Variants in RAB6B observed in about 807,000 individuals in gnomAD.
RAB6B encodes the protein ras-related protein Rab-6B.
In RAB6B, 7 loss-of-function variants were observed where a neutral mutation model predicts 31.2. The ratio of observed to expected loss-of-function variants is 0.22; its 90% CI spans 0.13 to 0.42. The LOEUF (loss-of-function observed/expected upper bound fraction) is 0.42. Among genes scored for constraint, RAB6B ranks in the 10% least tolerant of loss-of-function variants. The probability of loss-of-function intolerance (pLI) is 1.00; values close to 1 mark genes in which losing one functional copy is unlikely to be tolerated. For synonymous variants in RAB6B, 105 were observed against 104.9 expected (o/e 1.00, Z -0.01); for missense variants, 149 against 280.6 (o/e 0.53, Z 3.35).
Position 133,841,655 on chromosome 3 carries a change from A to G in RAB6B, c.138T>C (p.Ile46=). The G allele has an allele frequency of 6.2e-7, 1 of 1,613,950 alleles. No homozygotes were observed. Among genetic ancestry groups the G allele is most frequent in the Non-Finnish European group, 8.5e-7 (1 of 1,179,962 alleles). Residue 46 remains isoleucine (I), a synonymous_variant, in exon 3 of 8, where the codon ATT becomes ATC. Transcript: ENST00000285208. ...TGGTTTTTGACAAGAAGTCAATCCC[A>G]ATGGTTGCCTGTTAGAGAAAAGCAC... ...DSFDNTYQAT[I]GIDFLSKTMY...
chr3:133,854,971 C>A (rs1321022643), intron 2 of RAB6B, among the ~76,000 whole-genome samples: 1 of 152,224 alleles, frequency 6.6e-6, no homozygotes, highest in Non-Finnish European at 1.5e-5. Flanking sequence ...ATTCTCTTCT[C>A]AGGAAAAGAA....
intron 1 of RAB6B, among the ~76,000 whole-genome samples, chr3:133,880,138 A>G (rs1268768479): frequency 2.0e-5 from 3 of 152,244 alleles, no homozygotes; most frequent in Non-Finnish European, 4.4e-5. Context: ...GATCTTTGAC[A>G]AGGCTAGTAT....
At chr3:133,841,229 C>T in intron 4 of RAB6B, 56 bp downstream of exon 4, 2 of 1,553,342 alleles carry the variant, frequency 1.3e-6, no homozygotes, top group Non-Finnish European at 1.8e-6. Flanking sequence ...CAGGGTCACA[C>T]CTGGGCCCTG....
chr3:133,857,210 A>C (rs1404160210), intron 2 of RAB6B, among the ~76,000 whole-genome samples: 1 of 152,146 alleles, frequency 6.6e-6, no homozygotes, highest in Non-Finnish European at 1.5e-5. Flanking sequence ...CCTCGACTTT[A>C]ATACCTATAT....
intron 1 of RAB6B, among the ~76,000 whole-genome samples, chr3:133,881,562 T>C (rs1431118500): frequency 6.6e-6 from 1 of 152,176 alleles, no homozygotes; most frequent in Non-Finnish European, 1.5e-5. Flanking sequence ...GGATCACAGA[T>C]GATCAGAGTG....
At chr3:133,855,771 C>G (rs546563722) in intron 2 of RAB6B, among the ~76,000 whole-genome samples, 1 of 152,334 alleles carries the variant, frequency 6.6e-6, no homozygotes, top group South Asian at 2.1e-4. Flanking sequence ...GTCCATTCCA[C>G]TTATTAAATG....
intron 1 of RAB6B, among the ~76,000 whole-genome samples, chr3:133,876,374 C>T (rs1936396827): frequency 6.6e-6 from 1 of 152,194 alleles, no homozygotes; most frequent in Non-Finnish European, 1.5e-5. Context: ...CTCTGACCCT[C>T]CCAAGGATTC....
chr3:133,895,490 G>A lies in RAB6B; in HGVS notation c.-24C>T. 1.2e-6 allele frequency: 2 copies of A among 1,600,902 alleles called. No individual in the cohort carries two copies. The highest frequency in any genetic ancestry group is 1.7e-5 in the Admixed American group (1 of 59,146). On this transcript the variant is annotated 5_prime_UTR_variant, in exon 1 of 8. Transcript: ENST00000285208. ...ATGGTGCTGGCAGCCGGGGCCGGGA[G>A]AGGAGGAGGAGGAAAAAGCGAAGGA...
At chr3:133,880,608 G>T (rs1576409125) in intron 1 of RAB6B, among the ~76,000 whole-genome samples, 1 of 152,330 alleles carries the variant, frequency 6.6e-6, no homozygotes, top group East Asian at 1.9e-4. Context: ...GAAGCCCTGC[G>T]GTCTCCATCA....
chr3:133,835,956 C>A (rs187480615), intron 6 of RAB6B, among the ~76,000 whole-genome samples: 1 of 152,194 alleles, frequency 6.6e-6, no homozygotes, highest in Non-Finnish European at 1.5e-5. Context: ...TGATTTGTTA[C>A]GGTAGCCTGA....
chr3:133,827,795 T>C lies in RAB6B; in HGVS notation c.*993A>G. 7.1e-6 allele frequency: 2 copies of C among 281,394 alleles called. No homozygotes were observed. The highest frequency in any genetic ancestry group is 7.2e-6 in the Non-Finnish European group (1 of 138,178). The allele number at this position is 281,394 out of a possible 1,614,324, so 17.4% of individuals were successfully genotyped here. ...ATCACAGAGGATCAACTCCAGGTGGTCCAGCTTCCCTGACATCCAGGAGGA... is the reference window on the plus strand; with the variant it reads ...ATCACAGAGGATCAACTCCAGGTGGCCCAGCTTCCCTGACATCCAGGAGGA... On this transcript the variant is annotated 3_prime_UTR_variant, in exon 8 of 8. Transcript: ENST00000285208.
chr3:133,880,694 C>G (rs9861470), intron 1 of RAB6B, among the ~76,000 whole-genome samples: 1 of 152,168 alleles, frequency 6.6e-6, no homozygotes, highest in Non-Finnish European at 1.5e-5. Flanking sequence ...ACACAGCCTG[C>G]TCGCTGCTGC....
In RAB6B at chr3:133,827,661, C is replaced by G. The variant is rs1935587420; in HGVS notation, c.*1127G>C. 1.3e-5 allele frequency: 7 copies of G among 553,642 alleles called. No homozygotes were observed. The South Asian group carries it at 1.4e-4, about 11-fold the overall frequency. The allele number at this position is 553,642 out of a possible 1,614,324, so 34.3% of individuals were successfully genotyped here. Reference sequence around the variant, plus strand: ...CTGGGGTGAAAACATAGCAACAAATCAGCTTTTCCAGAAAGCACTCAACAA... The same window carrying G: ...CTGGGGTGAAAACATAGCAACAAATGAGCTTTTCCAGAAAGCACTCAACAA... On this transcript the variant is annotated 3_prime_UTR_variant, in exon 8 of 8. Coordinates refer to ENST00000285208, the MANE Select transcript of RAB6B (RefSeq NM_016577.4).
chr3:133,884,143 A>G (rs954360522), intron 1 of RAB6B, among the ~76,000 whole-genome samples: 2 of 152,128 alleles, frequency 1.3e-5, no homozygotes, highest in African/African-American at 4.8e-5. Context: ...AATTAGGATT[A>G]CTCCATGCAC....
intron 7 of RAB6B, among the ~76,000 whole-genome samples, chr3:133,829,975 C>G (rs962404684): frequency 1.3e-5 from 2 of 152,086 alleles, no homozygotes; most frequent in East Asian, 3.9e-4. Flanking sequence ...GTATATGTAT[C>G]TTATACCATG....
At chr3:133,870,096 T>C (rs1936294262) in intron 1 of RAB6B, among the ~76,000 whole-genome samples, 1 of 152,172 alleles carries the variant, frequency 6.6e-6, no homozygotes, top group Admixed American at 6.5e-5. Context: ...GACTGGGTCA[T>C]TTATAAAGGA....
chr3:133,851,265 G>T lies in RAB6B; in HGVS notation c.130-9602C>A, dbSNP rs370577142. Reference sequence around the variant, plus strand: ...TAAATACATGCATGGGTCAATGCAGGACATTGTTTGTTTTAGATAAAAGTG... The same window carrying T: ...TAAATACATGCATGGGTCAATGCAGTACATTGTTTGTTTTAGATAAAAGTG... On this transcript the variant is annotated intron_variant, in intron 2 of 7. Transcript: ENST00000285208. 2.6e-5 allele frequency among the ~76,000 whole-genome samples: 4 copies of T among 152,320 alleles called. No homozygotes were observed. The East Asian group carries it at 5.8e-4, about 22-fold the overall frequency.
At chr3:133,837,070 TC>T (rs1935747097) in intron 6 of RAB6B, among the ~76,000 whole-genome samples, 1 of 151,474 alleles carries the variant, frequency 6.6e-6, no homozygotes, top group Admixed American at 6.6e-5. Context: ...TCACCCAGAG[TC>T]CCCTCCCCAT....
At chr3:133,845,572 T>G (rs892481003) in intron 2 of RAB6B, among the ~76,000 whole-genome samples, 1 of 152,368 alleles carries the variant, frequency 6.6e-6, no homozygotes. Context: ...GCAGCCTGAA[T>G]GGATGAAGAC....
Sources: allele counts gnomAD v4.1 joint callset (sites outside exome capture counted in the v4.1 genomes callset), GRCh38; gene constraint gnomAD v4.1.1; transcripts MANE v1.5; gene names NCBI Gene and HGNC (gene_info 2026-07-23, HGNC 2026-07-21).